The following RPTOR variants were observed in gnomAD, a reference collection of about 807,000 sequenced individuals.
RPTOR encodes the protein regulatory-associated protein of mTOR.
In RPTOR, 21 loss-of-function variants were observed where a neutral mutation model predicts 169.9. That is an observed-to-expected ratio of 0.12 (90% CI 0.09 to 0.18). The LOEUF is 0.18. Among genes scored for constraint, RPTOR ranks in the 10% least tolerant of loss-of-function variants. The probability of loss-of-function intolerance (pLI) is 1.00; values close to 1 mark genes in which losing one functional copy is unlikely to be tolerated. For missense variants in RPTOR, 1,133 were observed against 1,855.9 expected (o/e 0.61, Z 7.16); for synonymous variants, 732 against 753.2 (o/e 0.97, Z 0.46).
intron 2 of RPTOR, among the ~76,000 whole-genome samples, chr17:80,626,013 T>A (rs967401385): frequency 6.6e-6 from 1 of 151,442 alleles, no homozygotes; most frequent in Non-Finnish European, 1.5e-5. Context: ...AATACAGTGA[T>A]GATTATTGGC....
At chr17:80,563,113 C>T (rs1349451707) in intron 1 of RPTOR, among the ~76,000 whole-genome samples, 1 of 152,186 alleles carries the variant, frequency 6.6e-6, no homozygotes, top group Non-Finnish European at 1.5e-5. Flanking sequence ...AGGGCTCAGG[C>T]TCCAGAGAAC....
chr17:80,601,167 C>T (rs953290686), intron 1 of RPTOR, among the ~76,000 whole-genome samples: 3 of 146,062 alleles, frequency 2.1e-5, no homozygotes, highest in Non-Finnish European at 3.0e-5. Flanking sequence ...CCACCACTGT[C>T]AGCCGCCAGA....
At chr17:80,612,945 T>C (rs1395905594) in intron 1 of RPTOR, among the ~76,000 whole-genome samples, 1 of 152,210 alleles carries the variant, frequency 6.6e-6, no homozygotes, top group Non-Finnish European at 1.5e-5. Flanking sequence ...AAGTAAAATA[T>C]ATAAGCGTGT....
chr17:80,647,695 C>T (rs181303591), intron 3 of RPTOR, among the ~76,000 whole-genome samples: 296 of 152,276 alleles, frequency 1.9e-3, no homozygotes, highest in African/African-American at 6.7e-3. Context: ...CAAGTCTGTC[C>T]GTCGGGCAGG....
rs147306840 is a variant in RPTOR at position 80,554,742 on chromosome 17, TCAAAA to T, written c.162+8976_162+8980del. ...CTGGGTGACAGAGTGAGACTCTGTCTCAAAACAAAACAAAACAAAACAAAACAAAC... is the reference window on the plus strand; with the variant it reads ...CTGGGTGACAGAGTGAGACTCTGTCTCAAAACAAAACAAAACAAAACAAAC... On this transcript the variant is annotated intron_variant, in intron 1 of 33. Coordinates refer to ENST00000306801, the MANE Select transcript of RPTOR (RefSeq NM_020761.3). Among the ~76,000 whole-genome samples, 1,192 of 143,966 alleles carry T rather than the reference TCAAAA, an allele frequency of 8.3e-3. 23 individuals are homozygous for T. The highest frequency in any genetic ancestry group is 0.029 in the African/African-American group (1,110 of 38,912). 94.4% of individuals were successfully genotyped at this position (143,966 alleles called of 152,430 possible). A position where few individuals can be genotyped will look rare whatever the true frequency, so the allele number is the denominator to read the frequency against.
intron 4 of RPTOR, among the ~76,000 whole-genome samples, chr17:80,718,328 T>C (rs911395627): frequency 6.6e-6 from 1 of 152,212 alleles, no homozygotes; most frequent in African/African-American, 2.4e-5. Flanking sequence ...TCAAAGGCCA[T>C]TTTTGTCTTG....
chr17:80,818,535 A>C (rs1215884469), intron 7 of RPTOR, among the ~76,000 whole-genome samples: 2 of 152,174 alleles, frequency 1.3e-5, no homozygotes, highest in Non-Finnish European at 2.9e-5. Flanking sequence ...GCAAGGATTT[A>C]ATTTTATGTG....
intron 14 of RPTOR, among the ~76,000 whole-genome samples, chr17:80,881,816 C>A (rs373723167): frequency 6.6e-6 from 1 of 152,146 alleles, no homozygotes; most frequent in Non-Finnish European, 1.5e-5. Flanking sequence ...AGTGAGACCC[C>A]GTCTCCACTC....
chr17:80,792,466 A>G (rs2067058346), intron 7 of RPTOR, among the ~76,000 whole-genome samples: 1 of 152,140 alleles, frequency 6.6e-6, no homozygotes, highest in African/African-American at 2.4e-5. Flanking sequence ...CCACCGTGGA[A>G]GGTGGCTGTG....
At position 80,776,311 on chromosome 17, in the gene RPTOR, G is replaced by GCCAA. The variant is rs1392255170; in HGVS notation, c.831-15138_831-15135dup. The stretch of plus-strand genomic sequence containing the variant: ...AAGTATATAGCTCTTGATATCTTTT[G>GCCAA]CCAAACTTCCTTTTTTTTTTTTTTT... On this transcript the variant is annotated intron_variant, in intron 6 of 33. Coordinates refer to ENST00000306801, the MANE Select transcript of RPTOR (RefSeq NM_020761.3). Among the ~76,000 whole-genome samples, 3 of 145,540 alleles carry GCCAA rather than the reference G, an allele frequency of 2.1e-5. No individual in the cohort carries two copies. In the East Asian group the frequency reaches 6.1e-4, roughly 30 times the overall value.
intron 13 of RPTOR, among the ~76,000 whole-genome samples, chr17:80,877,227 G>T (rs534622961): frequency 6.6e-6 from 1 of 152,380 alleles, no homozygotes; most frequent in East Asian, 1.9e-4. Flanking sequence ...AGCCGAGAGA[G>T]TCCACCCCAG....
At chr17:80,812,284 C>G (rs1262530988) in intron 7 of RPTOR, among the ~76,000 whole-genome samples, 2 of 151,974 alleles carry the variant, frequency 1.3e-5, no homozygotes, top group African/African-American at 4.8e-5. Context: ...CTATCTCTGT[C>G]TTGTCAGCTG....
At chr17:80,928,322 A>G (rs1435396216) in intron 24 of RPTOR, among the ~76,000 whole-genome samples, 2 of 152,212 alleles carry the variant, frequency 1.3e-5, no homozygotes, top group African/African-American at 2.4e-5. Flanking sequence ...TTCATCATCT[A>G]ATGACATTTG....
chr17:80,890,449 A>G (rs1247866782), intron 17 of RPTOR, among the ~76,000 whole-genome samples: 1 of 145,674 alleles, frequency 6.9e-6, no homozygotes, highest in Non-Finnish European at 1.5e-5. Flanking sequence ...ACAGTGACTT[A>G]GGCAGTTGGA....
At chr17:80,812,997 C>T (rs1299400757) in intron 7 of RPTOR, among the ~76,000 whole-genome samples, 1 of 152,238 alleles carries the variant, frequency 6.6e-6, no homozygotes. Context: ...CTCTTGTTCC[C>T]GTTCCTGTCC....
Position 80,908,927 on chromosome 17 carries a change from A to G in RPTOR, c.2518A>G (p.Lys840Glu), listed in dbSNP as rs767880361. ...AMKVLNSIAYKATVNARPQRV... is the reference protein window; with the variant it reads ...AMKVLNSIAYEATVNARPQRV... ...GAAAGTACTCAACAGCATCGCCTAC[A>G]AGGTACGTGCCGGGCGCTCCCCACC... The change falls in exon 21 of 34, where the codon AAG becomes GAG. Residue 840 changes from lysine (K) to glutamate (E), a missense_variant and splice_region_variant. Physicochemically the swap from Lys to Glu is moderately conservative, Grantham distance 56 (BLOSUM62 1). Coordinates refer to ENST00000306801, the MANE Select transcript of RPTOR (RefSeq NM_020761.3). 1.2e-6 allele frequency: 2 copies of G among 1,610,588 alleles called. No individual in the cohort carries two copies. Among genetic ancestry groups the G allele is most frequent in the East Asian group, 2.2e-5 (1 of 44,874 alleles).
chr17:80,728,062 G>A (rs1232993540), intron 4 of RPTOR, among the ~76,000 whole-genome samples: 5 of 152,178 alleles, frequency 3.3e-5, no homozygotes, highest in African/African-American at 9.7e-5. Context: ...TGGATCGATA[G>A]GTAGATAGAT....
intron 6 of RPTOR, among the ~76,000 whole-genome samples, chr17:80,756,932 A>G (rs747452635): frequency 6.6e-6 from 1 of 152,210 alleles, no homozygotes; most frequent in African/African-American, 2.4e-5. Context: ...AAAAAGTACT[A>G]TAAAAGAAGA....
At chr17:80,856,719 G>T (rs1022467244) in intron 12 of RPTOR, among the ~76,000 whole-genome samples, 2 of 152,164 alleles carry the variant, frequency 1.3e-5, no homozygotes, top group Admixed American at 1.3e-4. Flanking sequence ...GTGGTATTGC[G>T]TGCACTCTAA....
Sources: allele counts gnomAD v4.1 joint callset (sites outside exome capture counted in the v4.1 genomes callset), GRCh38; gene constraint gnomAD v4.1.1; transcripts MANE v1.5; gene names NCBI Gene and HGNC (gene_info 2026-07-23, HGNC 2026-07-21).